Variants in WWOX observed in about 807,000 individuals in gnomAD.
WWOX encodes WW domain containing oxidoreductase, also known as WW domain-containing oxidoreductase.
Under a neutral mutation model 46.2 loss-of-function variants are expected in WWOX, and 69 were observed. That is an observed-to-expected ratio of 1.49 (90% CI 1.23 to 1.82). The LOEUF (loss-of-function observed/expected upper bound fraction) is 1.82. Among genes scored for constraint, WWOX ranks in the 40% most tolerant of loss-of-function variants. WWOX has a pLI of 0.00. For missense variants in WWOX, 919 were observed against 542.6 expected (o/e 1.69, Z -6.89); for synonymous variants, 359 against 202.6 (o/e 1.77, Z -6.56).
At chr16:79,209,842 A>T (rs2051656446) in intron 8 of WWOX, among the ~76,000 whole-genome samples, 2 of 152,218 alleles carry the variant, frequency 1.3e-5, no homozygotes, top group Non-Finnish European at 2.9e-5. Context: ...CCAGGTGCTA[A>T]GCTCAGGGTT....
chr16:78,976,422 G>C (rs2046573815), intron 8 of WWOX, among the ~76,000 whole-genome samples: 1 of 152,204 alleles, frequency 6.6e-6, no homozygotes. Context: ...CATGTGATGT[G>C]CGTGGGCCTG....
intron 8 of WWOX, among the ~76,000 whole-genome samples, chr16:78,753,084 C>T (rs950776973): frequency 1.3e-5 from 2 of 152,184 alleles, no homozygotes; most frequent in East Asian, 3.9e-4. Flanking sequence ...CACCTGAGGT[C>T]AGGAGATGGA....
intron 5 of WWOX, among the ~76,000 whole-genome samples, chr16:78,324,431 C>A (rs926004835): frequency 2.0e-5 from 3 of 152,004 alleles, no homozygotes; most frequent in African/African-American, 7.2e-5. Flanking sequence ...CAATTCCACT[C>A]CTAGGTACGT....
At chr16:78,419,625 C>CGAAAAAAAAAAA (rs1491558183) in intron 6 of WWOX, among the ~76,000 whole-genome samples, 2 of 44,678 alleles carry the variant, frequency 4.5e-5, no homozygotes, top group Non-Finnish European at 9.3e-5. Context: ...CAAAAAATAG[C>CGAAAAAAAAAAA]AAAAAAAAAA....
At chr16:78,429,732 A>G (rs2083173970) in intron 7 of WWOX, among the ~76,000 whole-genome samples, 1 of 152,230 alleles carries the variant, frequency 6.6e-6, no homozygotes. Flanking sequence ...ATGTTGAAAT[A>G]AAGTTAGCAA....
chr16:78,602,205 T>A (rs1597332076), intron 8 of WWOX, among the ~76,000 whole-genome samples: 1 of 152,202 alleles, frequency 6.6e-6, no homozygotes, highest in Admixed American at 6.5e-5. Flanking sequence ...CCCATTCGTA[T>A]TTTATTCTCC....
chr16:79,058,106 TAAAAAAAAAAAAAACAAACAAACAA>T (rs1567520545), intron 8 of WWOX, among the ~76,000 whole-genome samples: 3 of 81,730 alleles, frequency 3.7e-5, no homozygotes, highest in African/African-American at 1.7e-4. Context: ...ATATCTTACT[TAAAAAAAAAAAAAACAAACAAACAA>T]AAAAAAAAAA....
chr16:78,773,818 G>T (rs1364251062), intron 8 of WWOX, among the ~76,000 whole-genome samples: 1 of 152,194 alleles, frequency 6.6e-6, no homozygotes, highest in Non-Finnish European at 1.5e-5. Context: ...TTGCATGTGA[G>T]TTCTGAACAG....
At chr16:79,199,029 C>T (rs950373524) in intron 8 of WWOX, among the ~76,000 whole-genome samples, 1 of 152,136 alleles carries the variant, frequency 6.6e-6, no homozygotes, top group Non-Finnish European at 1.5e-5. Flanking sequence ...AGGCAGAAAA[C>T]TTTGCCTCTT....
chr16:79,006,496 C>A (rs939919021), intron 8 of WWOX, among the ~76,000 whole-genome samples: 1 of 151,664 alleles, frequency 6.6e-6, no homozygotes, highest in Non-Finnish European at 1.5e-5. Flanking sequence ...AGCCCCTGAT[C>A]TGAGTTACGC....
At chr16:78,869,254 CT>C (rs932492910) in intron 8 of WWOX, among the ~76,000 whole-genome samples, 12 of 152,144 alleles carry the variant, frequency 7.9e-5, no homozygotes, top group African/African-American at 2.7e-4. Flanking sequence ...TCCTGTCACC[CT>C]GCTGGAAATG....
intron 8 of WWOX, among the ~76,000 whole-genome samples, chr16:78,665,277 T>G (rs189972450): frequency 6.6e-6 from 1 of 151,968 alleles, no homozygotes; most frequent in Non-Finnish European, 1.5e-5. Context: ...CCTAAGGGAG[T>G]GTAGAGAAGA....
chr16:78,641,277 C>T (rs575100878), intron 8 of WWOX, among the ~76,000 whole-genome samples: 7 of 152,094 alleles, frequency 4.6e-5, no homozygotes, highest in East Asian at 1.9e-4. Context: ...GCCCCCAGAC[C>T]GGAGCCACAA....
chr16:79,193,747 A>C (rs2051183901), intron 8 of WWOX, among the ~76,000 whole-genome samples: 1 of 152,220 alleles, frequency 6.6e-6, no homozygotes, highest in Admixed American at 6.5e-5. Flanking sequence ...AAAACAATTT[A>C]GGATACCTGA....
chr16:78,633,513 TCTAG>T (rs2046490800), intron 8 of WWOX, among the ~76,000 whole-genome samples: 1 of 152,204 alleles, frequency 6.6e-6, no homozygotes, highest in South Asian at 2.1e-4. Flanking sequence ...GCCCGTGTTC[TCTAG>T]CTAACGCATG....
At chr16:78,266,284 T>C (rs935228431) in intron 5 of WWOX, among the ~76,000 whole-genome samples, 3 of 152,224 alleles carry the variant, frequency 2.0e-5, no homozygotes, top group Non-Finnish European at 4.4e-5. Flanking sequence ...TTTTAAAAAC[T>C]TTTATTGAAA....
At chr16:78,149,913 T>C (rs2034339850) in intron 4 of WWOX, among the ~76,000 whole-genome samples, 2 of 152,158 alleles carry the variant, frequency 1.3e-5, no homozygotes, top group Non-Finnish European at 2.9e-5. Flanking sequence ...GCCCTTCCCA[T>C]GACAAATGTG....
intron 5 of WWOX, among the ~76,000 whole-genome samples, chr16:78,331,128 T>C (rs1775165394): frequency 2.6e-5 from 4 of 152,236 alleles, no homozygotes; most frequent in Admixed American, 1.3e-4. Flanking sequence ...CTACGGTCCC[T>C]GAATATGTTC....
At chr16:78,433,177 T>C (rs1352976356) in intron 8 of WWOX, among the ~76,000 whole-genome samples, 2 of 152,210 alleles carry the variant, frequency 1.3e-5, no homozygotes, top group Non-Finnish European at 2.9e-5. Flanking sequence ...TTCCTTTGTT[T>C]CACAGAAAAA....
Sources: allele counts gnomAD v4.1 joint callset (sites outside exome capture counted in the v4.1 genomes callset), GRCh38; gene constraint gnomAD v4.1.1; transcripts MANE v1.5; gene names NCBI Gene and HGNC (gene_info 2026-07-23, HGNC 2026-07-21).